The following AFF3 variants were observed in gnomAD, a reference collection of about 807,000 sequenced individuals.
AFF3 encodes ALF transcription elongation factor 3.
In AFF3, 32 loss-of-function variants were observed where a neutral mutation model predicts 129.7. The ratio of observed to expected loss-of-function variants is 0.25; its 90% CI spans 0.19 to 0.33. The LOEUF is 0.33. Among genes scored for constraint, AFF3 ranks in the 10% least tolerant of loss-of-function variants. The pLI is 1.00. For missense variants in AFF3, 1,373 were observed against 1,592.0 expected, an observed-to-expected ratio of 0.86 and a Z score of 2.34; for synonymous variants, 644 against 635.4, an observed-to-expected ratio of 1.01 and a Z score of -0.20.
chr2:99,793,372 T>C (rs575900093), intron 8 of AFF3, among the ~76,000 whole-genome samples: 2 of 152,304 alleles, frequency 1.3e-5, no homozygotes, highest in South Asian at 4.1e-4. Flanking sequence ...TCTTTGTAAA[T>C]TTCCCAGTCT....
chr2:100,064,463 C>T (rs1305459781), intron 4 of AFF3, among the ~76,000 whole-genome samples: 1 of 152,224 alleles, frequency 6.6e-6, no homozygotes, highest in Non-Finnish European at 1.5e-5. Flanking sequence ...CTGAAGTTCT[C>T]ATTAACATAT....
At chr2:99,715,288 G>A (rs981139697) in intron 11 of AFF3, among the ~76,000 whole-genome samples, 1 of 151,992 alleles carries the variant, frequency 6.6e-6, no homozygotes, top group Non-Finnish European at 1.5e-5. Context: ...AGTTTTCCAC[G>A]TTTTAGTTTT....
At chr2:100,052,969 G>C (rs548923910) in intron 4 of AFF3, among the ~76,000 whole-genome samples, 1 of 152,276 alleles carries the variant, frequency 6.6e-6, no homozygotes, top group Non-Finnish European at 1.5e-5. Flanking sequence ...CCAAGAGCAG[G>C]GCTTCTGTTA....
At chr2:99,739,238 C>T in intron 10 of AFF3, among the ~76,000 whole-genome samples, 1 of 151,976 alleles carries the variant, frequency 6.6e-6, no homozygotes, top group East Asian at 1.9e-4. Context: ...CTGTTCCCAC[C>T]ACCACTAAAA....
In AFF3 at chr2:99,593,865, C is replaced by T. The variant is rs766457790; in HGVS notation, c.1796G>A (p.Gly599Asp). Residue 599 changes from glycine to aspartate, a missense_variant, in exon 15 of 25, where the codon GGC (glycine) becomes GAC (aspartate). This residue lies in a region of AFF3 where 466 missense variants were observed against 505.0 expected (regional missense o/e 0.92). Coordinates refer to ENST00000672756, the MANE Select transcript of AFF3 (RefSeq NM_001386135.1). ...CTCCTCGGGCCGGTGGCAGTTGGCG[C>T]CGTCCCCGGCTGAGGTCCTCTCGGT... ...RRTERTSAGD[G>D]ANCHRPEEPA... is the part of the protein sequence containing the mutation. 1 of 1,570,096 alleles carries T rather than the reference C, an allele frequency of 6.4e-7. No homozygotes were observed. The highest frequency in any genetic ancestry group is 8.6e-7 in the Non-Finnish European group (1 of 1,162,736).
At chr2:99,762,493 C>T (rs979605751) in intron 8 of AFF3, among the ~76,000 whole-genome samples, 6 of 152,172 alleles carry the variant, frequency 3.9e-5, no homozygotes, top group African/African-American at 1.4e-4. Flanking sequence ...TTACCACTAT[C>T]AGAATATTTT....
At chr2:100,125,739 C>A (rs927311918) in intron 2 of AFF3, among the ~76,000 whole-genome samples, 16 of 152,146 alleles carry the variant, frequency 1.1e-4, no homozygotes, top group African/African-American at 3.6e-4. Flanking sequence ...GAGGAGCCAG[C>A]CAAGGAAGGA....
intron 1 of AFF3, among the ~76,000 whole-genome samples, chr2:100,134,625 A>G (rs1462524614): frequency 1.3e-5 from 2 of 152,204 alleles, no homozygotes; most frequent in Non-Finnish European, 2.9e-5. Context: ...TTACAGCTTT[A>G]TTATCTCACA....
At chr2:99,730,516 C>CTTTT (rs1448325264) in intron 10 of AFF3, among the ~76,000 whole-genome samples, 1 of 140,510 alleles carries the variant, frequency 7.1e-6, no homozygotes, top group African/African-American at 2.7e-5. Context: ...TATACTGCAA[C>CTTTT]TTTTTTTTTT....
chr2:99,908,342 A>T (rs899528034), intron 7 of AFF3, among the ~76,000 whole-genome samples: 14 of 152,224 alleles, frequency 9.2e-5, no homozygotes, highest in African/African-American at 3.4e-4. Context: ...TGGATTAAAG[A>T]CTTACATGTT....
chr2:100,131,125 A>G (rs1692414357), intron 1 of AFF3, among the ~76,000 whole-genome samples: 1 of 152,220 alleles, frequency 6.6e-6, no homozygotes, highest in Non-Finnish European at 1.5e-5. Context: ...TAATCCTGGG[A>G]AACTTACACC....
intron 11 of AFF3, among the ~76,000 whole-genome samples, chr2:99,719,589 AC>A (rs973258055): frequency 2.0e-5 from 3 of 152,180 alleles, no homozygotes; most frequent in African/African-American, 7.2e-5. Flanking sequence ...CATAGAATTT[AC>A]CAGTGACCTT....
chr2:100,004,161 A>G (rs763329935), intron 7 of AFF3, among the ~76,000 whole-genome samples: 8 of 152,090 alleles, frequency 5.3e-5, no homozygotes, highest in Non-Finnish European at 7.4e-5. Flanking sequence ...CTTGCTCTGT[A>G]GCTAACATCC....
At chr2:99,978,630 C>T (rs1161116688) in intron 7 of AFF3, among the ~76,000 whole-genome samples, 1 of 152,084 alleles carries the variant, frequency 6.6e-6, no homozygotes, top group African/African-American at 2.4e-5. Flanking sequence ...TATCTGTGTC[C>T]CCACAAAATT....
intron 11 of AFF3, among the ~76,000 whole-genome samples, chr2:99,693,786 A>T (rs544612358): frequency 6.6e-6 from 1 of 152,172 alleles, no homozygotes; most frequent in Non-Finnish European, 1.5e-5. Flanking sequence ...TTATTCATAC[A>T]CTCAGGTTTG....
chr2:100,136,106 T>C (rs1382031920), intron 1 of AFF3, among the ~76,000 whole-genome samples: 1 of 152,178 alleles, frequency 6.6e-6, no homozygotes, highest in East Asian at 1.9e-4. Context: ...GCTTCGGACA[T>C]GTTAAGACGT....
chr2:99,910,091 AC>A (rs1330021084), intron 7 of AFF3, among the ~76,000 whole-genome samples: 1 of 152,206 alleles, frequency 6.6e-6, no homozygotes, highest in Non-Finnish European at 1.5e-5. Context: ...ACTTTGAAAT[AC>A]AAAATGTACT....
At chr2:99,705,349 G>A (rs1271932432) in intron 11 of AFF3, among the ~76,000 whole-genome samples, 1 of 152,136 alleles carries the variant, frequency 6.6e-6, no homozygotes, top group African/African-American at 2.4e-5. Flanking sequence ...GCCTGAGTAG[G>A]AAGAACAATT....
intron 7 of AFF3, among the ~76,000 whole-genome samples, chr2:99,970,825 G>A (rs762369128): frequency 4.6e-5 from 7 of 152,160 alleles, no homozygotes; most frequent in African/African-American, 1.4e-4. Flanking sequence ...TGGGGGAGGC[G>A]TGTCTCACGC....
Sources: gnomAD v4.1 joint callset for allele counts (sites outside exome capture counted in the v4.1 genomes callset) on GRCh38, gnomAD v4.1.1 for gene constraint, gnomAD v4.1.1 regional missense constraint, MANE v1.5 for transcripts, NCBI Gene and HGNC (gene_info 2026-07-23, HGNC 2026-07-21) for gene names.